The following NFAM1 variants were observed in gnomAD, a reference collection of about 807,000 sequenced individuals.
NFAM1 encodes NFAT activating protein with ITAM motif 1, also known as NFAT activation molecule 1.
A neutral mutation model predicts 29.0 loss-of-function variants in NFAM1; 17 were observed. The observed-to-expected ratio is 0.59, with a 90% CI of 0.40 to 0.88. The LOEUF is 0.88. Ranked by LOEUF, NFAM1 falls within the 40% of genes least tolerant of loss-of-function variation. The pLI is 0.00. For synonymous variants in NFAM1, 175 were observed against 147.2 expected (o/e 1.19, Z -1.36); for missense variants, 324 against 344.6 (o/e 0.94, Z 0.47).
rs182148215 is a variant in NFAM1 at position 42,409,353 on chromosome 22, C to T, written c.564+82G>A. The T allele has an allele frequency of 4.7e-4, 331 of 708,588 alleles. 2 individuals are homozygous for T. In the African/African-American group the frequency reaches 5.2e-3, roughly 11 times the overall value. The allele number at this position is 708,588 out of a possible 1,614,324, so 43.9% of individuals were successfully genotyped here. On this transcript the variant is annotated intron_variant, in intron 3 of 5. Transcript: ENST00000329021. The surrounding 1 kb of genome is among the most constrained non-coding windows in gnomAD (Gnocchi z 4.9). ...TGGATGTGCCCTCACCAGGGCCCAC[C>T]AAACGCCCTGCAGAGGGCAGGCGGG...
intron 1 of NFAM1, among the ~76,000 whole-genome samples, chr22:42,425,041 C>A (rs111600689): frequency 0.042 from 6,436 of 152,126 alleles, 184 homozygotes; most frequent in South Asian, 0.09. Context: ...CCTGACTCAG[C>A]CTCCCCAGTA....
chr22:42,411,525 GGTGTGGCTCTGGTTCTCT>G lies in NFAM1; in HGVS notation c.315_332del (p.Glu106_Thr111del), dbSNP rs1930090063. 6.2e-7 allele frequency: 1 copy of G among 1,614,062 alleles called. No individual in the cohort carries two copies. The highest frequency in any genetic ancestry group is 8.5e-7 in the Non-Finnish European group (1 of 1,180,004). ...GCACAAGGGTGACCTGGCAGTCCAG[GGTGTGGCTCTGGTTCTCT>G]GTGCCCAGTCCAGGGTGGCAGTTTG... is the stretch of plus-strand genomic sequence containing the variant. On this transcript the variant is annotated inframe_deletion, in exon 2 of 6. Coordinates refer to ENST00000329021, the MANE Select transcript of NFAM1 (RefSeq NM_145912.8).
At chr22:42,437,429 T>G in the NFAM1 span, among the ~76,000 whole-genome samples, 2 of 152,026 alleles carry the variant, frequency 1.3e-5, no homozygotes, top group Non-Finnish European at 2.9e-5. Context: ...AGGTGTGACC[T>G]ACCATACCCG....
Position 42,411,685 on chromosome 22 carries a change from T to G in NFAM1, c.173A>C (p.Asn58Thr), listed in dbSNP as rs1215602546. The change falls in exon 2 of 6, where the codon AAC becomes ACC. Residue 58 changes from asparagine (N) to threonine (T), a missense_variant. By Grantham distance (65) the Asn-to-Thr change is moderately conservative. Coordinates refer to ENST00000329021, the MANE Select transcript of NFAM1 (RefSeq NM_145912.8). The stretch of plus-strand genomic sequence containing the variant: ...CCTGCAGCTGAAGGAGATAGCTGTG[T>G]TGGCCAGGGAGGCCATGATGGGCAG... ...TGLPIMASLA[N>T]TAISFSCRIT... 6.2e-7 allele frequency: 1 copy of G among 1,614,148 alleles called. No homozygotes were observed. The highest frequency in any genetic ancestry group is 1.7e-5 in the Admixed American group (1 of 60,016).
At chr22:42,437,144 T>C, upstream of NFAM1, 1 of 261,880 alleles carries the variant, frequency 3.8e-6, no homozygotes, top group Non-Finnish European at 5.9e-6. Flanking sequence ...TTTTTGTCTT[T>C]TTTTTTTTTT....
At chr22:42,437,608 C>T in the NFAM1 span, among the ~76,000 whole-genome samples, 1 of 152,208 alleles carries the variant, frequency 6.6e-6, no homozygotes, top group Non-Finnish European at 1.5e-5. Context: ...ACCCACTTCC[C>T]CTCCTGGCCA....
chr22:42,414,690 C>G (rs1930200190), intron 1 of NFAM1, among the ~76,000 whole-genome samples: 3 of 151,940 alleles, frequency 2.0e-5, no homozygotes, highest in Non-Finnish European at 4.4e-5. Context: ...CTCTGTGTAC[C>G]TACCCTGTGG....
At chr22:42,411,022 T>TTC (rs983498775) in intron 2 of NFAM1, among the ~76,000 whole-genome samples, 3 of 53,366 alleles carry the variant, frequency 5.6e-5, no homozygotes, top group African/African-American at 2.4e-4. Flanking sequence ...TTCTTTTCTT[T>TTC]TTTTTTTTTT....
chr22:42,432,312 G>T lies in NFAM1; in HGVS notation c.46C>A (p.Arg16Ser). Residue 16 changes from arginine to serine, a missense_variant, in exon 1 of 6, where the codon CGC becomes AGC. Arg to Ser is a moderately radical substitution (Grantham distance 110, BLOSUM62 -1). Transcript: ENST00000329021. ...VRWRALPGLP[R>S]PPGLPAAPWL... ...GGGGCTGCGGGGAGCCCAGGAGGGC[G>T]TGGGAGGCCTGGCAGGGCCCGCCAC... The T allele has an allele frequency of 6.3e-7, 1 of 1,576,642 alleles. No individual in the cohort carries two copies. The highest frequency in any genetic ancestry group is 8.6e-7 in the Non-Finnish European group (1 of 1,161,088).
At chr22:42,401,448 C>T (rs578020458) in intron 3 of NFAM1, among the ~76,000 whole-genome samples, 26 of 150,006 alleles carry the variant, frequency 1.7e-4, no homozygotes, top group South Asian at 4.4e-4. Flanking sequence ...GCCACAGATG[C>T]GGGGTGGACT....
At chr22:42,432,184 G>A (rs1001570339) in intron 1 of NFAM1, 53 bp downstream of exon 1, 7 of 1,484,990 alleles carry the variant, frequency 4.7e-6, no homozygotes, top group African/African-American at 2.8e-5. Flanking sequence ...GATGAAAGCC[G>A]CTCTGATGTT....
In NFAM1 at chr22:42,388,073, G is replaced by T. The variant is rs1195889859; in HGVS notation, c.664-995C>A. ...GCACCAAATGAGCTATGGTAAGGGG[G>T]CTTCCCCGTCACTCGGGTGTGTCCT... On this transcript the variant is annotated intron_variant, in intron 4 of 5. Transcript: ENST00000329021. The surrounding 1 kb of genome is among the most constrained non-coding windows in gnomAD (Gnocchi z 4.1). Among the ~76,000 whole-genome samples, 1 of 152,244 alleles carries T rather than the reference G, an allele frequency of 6.6e-6. No individual in the cohort carries two copies. The highest frequency in any genetic ancestry group is 1.9e-4 in the East Asian group (1 of 5,196).
chr22:42,431,722 G>A (rs1930802206), intron 1 of NFAM1, among the ~76,000 whole-genome samples: 1 of 152,222 alleles, frequency 6.6e-6, no homozygotes. Flanking sequence ...ACCCTTTCTG[G>A]TGACTGACAG....
Position 42,411,629 on chromosome 22 carries a change from C to A in NFAM1, c.229G>T (p.Val77Phe), listed in dbSNP as rs1176212374. 1.9e-6 allele frequency: 3 copies of A among 1,614,144 alleles called. No homozygotes were observed. Among genetic ancestry groups the A allele is most frequent in the Middle Eastern group, 1.6e-4 (1 of 6,062 alleles). Residue 77 changes from valine to phenylalanine, a missense_variant, in exon 2 of 6, where the codon GTT becomes TTT. Transcript: ENST00000329021. ...TCATGAAAGTAGCTGACTGTGAAAA[C>A]CTTGAATTGGGGAGTGTATGGATAG... is the stretch of plus-strand genomic sequence containing the variant. Reference protein sequence around the residue: ...ITYPYTPQFKVFTVSYFHEDL... With the variant: ...ITYPYTPQFKFFTVSYFHEDL...
At position 42,409,140 on chromosome 22, in the gene NFAM1, A is replaced by G. The variant is rs1274046194; in HGVS notation, c.564+295T>C. On this transcript the variant is annotated intron_variant, in intron 3 of 5. Transcript: ENST00000329021. This position sits in a 1 kb window ranked among gnomAD's most constrained non-coding sequence, Gnocchi z 4.9. The stretch of plus-strand genomic sequence containing the variant: ...GGGATTCCCTAATCTGGGGAGCTAG[A>G]AATGGTAGGCAGGAGGGCCTGCAGC... Among the ~76,000 whole-genome samples the G allele has an allele frequency of 6.6e-6, 1 of 152,188 alleles. No individual in the cohort carries two copies. Among genetic ancestry groups the G allele is most frequent in the East Asian group, 1.9e-4 (1 of 5,192 alleles).
chr22:42,391,449 G>A (rs1285036341), intron 4 of NFAM1, among the ~76,000 whole-genome samples: 5 of 152,174 alleles, frequency 3.3e-5, no homozygotes, highest in South Asian at 2.1e-4. Context: ...AACGGGAGTG[G>A]CTCCCACCAG....
chr22:42,412,356 C>T (rs1930124713), intron 1 of NFAM1, among the ~76,000 whole-genome samples: 1 of 152,212 alleles, frequency 6.6e-6, no homozygotes, highest in Non-Finnish European at 1.5e-5. Flanking sequence ...GCACACCACT[C>T]TACCTCTCCT....
intron 4 of NFAM1, among the ~76,000 whole-genome samples, chr22:42,393,364 A>G (rs781585219): frequency 6.6e-6 from 1 of 152,076 alleles, no homozygotes; most frequent in Non-Finnish European, 1.5e-5. Context: ...CAGCTGGGCC[A>G]CATAGTGAGA....
chr22:42,397,880 T>C lies in NFAM1; in HGVS notation c.641A>G (p.His214Arg), dbSNP rs774021109. The C allele has an allele frequency of 1.2e-6, 2 of 1,613,064 alleles. No individual in the cohort carries two copies. The highest frequency in any genetic ancestry group is 1.7e-4 in the Middle Eastern group (1 of 6,056). The change falls in exon 4 of 6, where the codon CAT becomes CGT. Residue 214 changes from histidine to arginine, a missense_variant. Coordinates refer to ENST00000329021, the MANE Select transcript of NFAM1 (RefSeq NM_145912.8). ...CACTGTGTAGACAGATTCTGAAGGATGCTGCTTGGGGCTGCTGGCAGATCT... is the reference window on the plus strand; with the variant it reads ...CACTGTGTAGACAGATTCTGAAGGACGCTGCTTGGGGCTGCTGGCAGATCT... Reference protein sequence around the residue: ...DPRSASSPKQHPSESVYTALQ... With the variant: ...DPRSASSPKQRPSESVYTALQ...
Sources: gnomAD v4.1 joint callset for allele counts (sites outside exome capture counted in the v4.1 genomes callset) on GRCh38, gnomAD v4.1.1 for gene constraint, Gnocchi (gnomAD v3.1) non-coding constraint, MANE v1.5 for transcripts, NCBI Gene and HGNC (gene_info 2026-07-23, HGNC 2026-07-21) for gene names.